Variants in CACNA1E observed in about 807,000 individuals in gnomAD.
The protein encoded by CACNA1E is calcium voltage-gated channel subunit alpha1 E, also known as voltage-dependent R-type calcium channel subunit alpha-1E.
A neutral mutation model predicts 259.2 loss-of-function variants in CACNA1E; 40 were observed. That is an observed-to-expected ratio of 0.15 (90% CI 0.12 to 0.20). The LOEUF (loss-of-function observed/expected upper bound fraction) is 0.20, where lower values mean the gene tolerates loss of function less well. Among genes scored for constraint, CACNA1E ranks in the 10% least tolerant of loss-of-function variants. CACNA1E has a pLI of 1.00. For synonymous variants in CACNA1E, 1,104 were observed against 1,138.5 expected, an observed-to-expected ratio of 0.97 and a Z score of 0.61; for missense variants, 1,874 against 3,040.1, an observed-to-expected ratio of 0.62 and a Z score of 9.02.
At chr1:181,656,812 ATATTTAGATG>A (rs1434798658) in intron 7 of CACNA1E, among the ~76,000 whole-genome samples, 1 of 152,182 alleles carries the variant, frequency 6.6e-6, no homozygotes, top group Non-Finnish European at 1.5e-5. Flanking sequence ...ATGTTTAGAT[ATATTTAGATG>A]TACAAATACT....
At chr1:181,651,046 G>C (rs184070597) in intron 6 of CACNA1E, among the ~76,000 whole-genome samples, 1 of 152,330 alleles carries the variant, frequency 6.6e-6, no homozygotes, top group East Asian at 1.9e-4. Context: ...GGTTGTTTGC[G>C]TGACCTTGGA....
intron 1 of CACNA1E, among the ~76,000 whole-genome samples, chr1:181,367,352 A>G (rs1288086692): frequency 6.6e-6 from 1 of 151,614 alleles, no homozygotes; most frequent in African/African-American, 2.4e-5. Flanking sequence ...TTTGGGTTCC[A>G]GGAATTTTTT....
At chr1:181,480,089 C>A (rs1663132883), upstream of CACNA1E, among the ~76,000 whole-genome samples, 1 of 151,944 alleles carries the variant, frequency 6.6e-6, no homozygotes, top group Non-Finnish European at 1.5e-5. Context: ...CCAGCTAGGA[C>A]AACATAGTGA....
chr1:181,693,394 G>A (rs1651393946), intron 7 of CACNA1E, among the ~76,000 whole-genome samples: 1 of 152,076 alleles, frequency 6.6e-6, no homozygotes, highest in Admixed American at 6.6e-5. Flanking sequence ...GCAAAGACAT[G>A]GAGTCAATCT....
chr1:181,741,872 G>T (rs1021787462), intron 25 of CACNA1E, among the ~76,000 whole-genome samples: 7 of 152,212 alleles, frequency 4.6e-5, no homozygotes, highest in African/African-American at 1.7e-4. Context: ...GAACCCCCTC[G>T]TTCTGGGGTC....
chr1:181,599,465 C>T (rs1035558444), intron 6 of CACNA1E, among the ~76,000 whole-genome samples: 1 of 152,204 alleles, frequency 6.6e-6, no homozygotes, highest in East Asian at 1.9e-4. Flanking sequence ...CCTTAGAGAG[C>T]ACTCTCCTAA....
At chr1:181,385,560 T>C (rs916357505) in intron 1 of CACNA1E, among the ~76,000 whole-genome samples, 1 of 152,242 alleles carries the variant, frequency 6.6e-6, no homozygotes, top group Non-Finnish European at 1.5e-5. Flanking sequence ...TGTTCTAGCA[T>C]TGTAAATAGC....
At chr1:181,797,410 C>A (rs1661907709) in intron 47 of CACNA1E, among the ~76,000 whole-genome samples, 1 of 152,208 alleles carries the variant, frequency 6.6e-6, no homozygotes, top group African/African-American at 2.4e-5. Flanking sequence ...TATCTCTAGT[C>A]ATGGCATTTT....
intron 7 of CACNA1E, among the ~76,000 whole-genome samples, chr1:181,691,880 C>G (rs529909471): frequency 1.3e-5 from 2 of 152,210 alleles, no homozygotes; most frequent in East Asian, 3.9e-4. Context: ...CAAACTATCT[C>G]TCTTTGCTAA....
At chr1:181,322,129 G>A (rs78824303) in intron 1 of CACNA1E, among the ~76,000 whole-genome samples, 2,022 of 152,252 alleles carry the variant, frequency 0.013, 60 homozygotes, top group African/African-American at 0.046. Context: ...TTCTGGTCTG[G>A]AAAAATTGGG....
intron 45 of CACNA1E, 134 bp downstream of exon 45, chr1:181,793,927 G>T: frequency 1.0e-6 from 1 of 962,590 alleles, no homozygotes; most frequent in Non-Finnish European, 1.5e-6. Context: ...CCTGGCTCAT[G>T]GGTCGTCTCT....
intron 7 of CACNA1E, among the ~76,000 whole-genome samples, chr1:181,672,126 A>G (rs917178913): frequency 6.6e-6 from 1 of 152,244 alleles, no homozygotes; most frequent in African/African-American, 2.4e-5. Flanking sequence ...TAGCAAACTA[A>G]CGCAGGAAGA....
At chr1:181,600,755 A>C (rs4651109) in intron 6 of CACNA1E, among the ~76,000 whole-genome samples, 100,889 of 152,016 alleles carry the variant, frequency 0.66, 36,716 homozygotes, top group East Asian at 0.95. Flanking sequence ...TAGCCCAGTT[A>C]GAGATGTCAT....
chr1:181,797,740 G>A (rs1661937124), intron 47 of CACNA1E, among the ~76,000 whole-genome samples: 1 of 152,210 alleles, frequency 6.6e-6, no homozygotes, highest in South Asian at 2.1e-4. Flanking sequence ...CTTGGGAATA[G>A]GTGAGGGCAA....
intron 7 of CACNA1E, among the ~76,000 whole-genome samples, chr1:181,700,481 C>T (rs1652137507): frequency 6.6e-6 from 1 of 151,114 alleles, no homozygotes; most frequent in Non-Finnish European, 1.5e-5. Context: ...GGACTTCAGG[C>T]ATAACCATGA....
intron 6 of CACNA1E, among the ~76,000 whole-genome samples, chr1:181,591,028 C>T (rs1226530807): frequency 6.6e-6 from 1 of 152,172 alleles, no homozygotes; most frequent in Non-Finnish European, 1.5e-5. Context: ...GCTTTCTATG[C>T]ATTATGTATT....
chr1:181,412,111 G>A (rs1047811077), intron 1 of CACNA1E, among the ~76,000 whole-genome samples: 73 of 152,236 alleles, frequency 4.8e-4, no homozygotes, highest in African/African-American at 1.8e-3. Flanking sequence ...GAATACGTAC[G>A]TCTTTCAGAG....
At chr1:181,643,270 G>C (rs1278409963) in intron 6 of CACNA1E, among the ~76,000 whole-genome samples, 1 of 152,184 alleles carries the variant, frequency 6.6e-6, no homozygotes, top group Non-Finnish European at 1.5e-5. Flanking sequence ...TCCCTGTTGG[G>C]CTTCTGTGTC....
At chr1:181,434,279 T>C (rs1553250679) in intron 2 of CACNA1E, among the ~76,000 whole-genome samples, 2 of 152,228 alleles carry the variant, frequency 1.3e-5, no homozygotes, top group Non-Finnish European at 2.9e-5. Context: ...GATCCATAAA[T>C]GTTAGTTTTA....
Sources: gnomAD v4.1 joint callset for allele counts (sites outside exome capture counted in the v4.1 genomes callset) on GRCh38, gnomAD v4.1.1 for gene constraint, MANE v1.5 for transcripts, NCBI Gene and HGNC (gene_info 2026-07-23, HGNC 2026-07-21) for gene names.